NTM: variants seen among roughly 807,000 people sequenced by gnomAD.
The protein encoded by NTM is IgLON family member 2.
A neutral mutation model predicts 42.1 loss-of-function variants in NTM; 13 were observed. That is an observed-to-expected ratio of 0.31 (90% CI 0.20 to 0.49). The LOEUF (loss-of-function observed/expected upper bound fraction) is 0.49. Among genes scored for constraint, NTM ranks in the 20% least tolerant of loss-of-function variants. The probability of loss-of-function intolerance (pLI) is 0.99; values close to 1 mark genes in which losing one functional copy is unlikely to be tolerated. For missense variants in NTM, 373 were observed against 452.8 expected (o/e 0.82, Z 1.60); for synonymous variants, 187 against 179.2 (o/e 1.04, Z -0.35).
In NTM at chr11:131,670,784, G is replaced by GT. The variant is rs562124045; in HGVS notation, c.83-240780_83-240779insT. On this transcript the variant is annotated intron_variant, in intron 1 of 8. Coordinates refer to ENST00000683400, the MANE Select transcript of NTM (RefSeq NM_001352005.2). Reference sequence around the variant, plus strand: ...TGTCCGAGAGGCGTAGCCCTTCTTGGAGGCCTCAGATCTAGGCTAAAACCA... The same window carrying GT: ...TGTCCGAGAGGCGTAGCCCTTCTTGGTAGGCCTCAGATCTAGGCTAAAACCA... Among the ~76,000 whole-genome samples the GT allele has an allele frequency of 5.6e-3, 858 of 152,296 alleles. 9 individuals are homozygous for GT. The highest frequency in any genetic ancestry group is 0.02 in the African/African-American group (824 of 41,558).
At chr11:131,723,467 TA>T (rs2078605299) in intron 1 of NTM, among the ~76,000 whole-genome samples, 1 of 152,220 alleles carries the variant, frequency 6.6e-6, no homozygotes, top group Admixed American at 6.5e-5. Context: ...ACGTAGCAAA[TA>T]AAAACAGAAA....
At chr11:131,887,848 T>C (rs1286286092) in intron 1 of NTM, among the ~76,000 whole-genome samples, 1 of 152,214 alleles carries the variant, frequency 6.6e-6, no homozygotes, top group Non-Finnish European at 1.5e-5. Context: ...ATAGCACTGT[T>C]CTAGGCACTT....
At chr11:132,180,238 G>C (rs1177937079) in intron 3 of NTM, among the ~76,000 whole-genome samples, 1 of 152,060 alleles carries the variant, frequency 6.6e-6, no homozygotes, top group African/African-American at 2.4e-5. Context: ...TCTTCAGAGA[G>C]GATGAAATAA....
chr11:131,495,756 C>T (rs1043608465), intron 1 of NTM, among the ~76,000 whole-genome samples: 1 of 152,212 alleles, frequency 6.6e-6, no homozygotes, highest in Admixed American at 6.5e-5. Context: ...GGATTGGGCC[C>T]TCCTTGAGGC....
chr11:132,291,594 T>A (rs2094452193), intron 4 of NTM, among the ~76,000 whole-genome samples: 1 of 152,144 alleles, frequency 6.6e-6, no homozygotes, highest in South Asian at 2.1e-4. Flanking sequence ...AGCCACAGAA[T>A]AAATGATATT....
chr11:131,734,863 C>T (rs560104318), intron 1 of NTM, among the ~76,000 whole-genome samples: 2 of 152,128 alleles, frequency 1.3e-5, no homozygotes, highest in African/African-American at 4.8e-5. Flanking sequence ...AATTAAAATC[C>T]AGTAATAAGA....
At chr11:131,854,204 G>A (rs1239212848) in intron 1 of NTM, among the ~76,000 whole-genome samples, 1 of 152,332 alleles carries the variant, frequency 6.6e-6, no homozygotes, top group East Asian at 1.9e-4. Flanking sequence ...TCCTAGATAT[G>A]AAGAGGCTCT....
chr11:131,768,141 A>G (rs1373379348), intron 1 of NTM, among the ~76,000 whole-genome samples: 1 of 86,390 alleles, frequency 1.2e-5, no homozygotes, highest in Non-Finnish European at 2.2e-5. Flanking sequence ...TTTTTTTTTG[A>G]GACGGAGTCT....
intron 1 of NTM, chr11:131,910,201 G>C (rs1314771541): frequency 6.6e-6 from 1 of 152,088 alleles, no homozygotes; most frequent in East Asian, 1.9e-4. Context: ...AACATCCTCC[G>C]AACACTCTGA....
intron 1 of NTM, among the ~76,000 whole-genome samples, chr11:131,376,711 C>T (rs937443980): frequency 1.3e-5 from 2 of 149,062 alleles, no homozygotes; most frequent in Admixed American, 6.7e-5. Flanking sequence ...TTGCCCTTTG[C>T]GATAAGAAAA....
At chr11:131,517,212 G>T (rs2049003184) in intron 1 of NTM, among the ~76,000 whole-genome samples, 1 of 152,182 alleles carries the variant, frequency 6.6e-6, no homozygotes, top group Non-Finnish European at 1.5e-5. Flanking sequence ...CCAAATGGAT[G>T]CCTGATTGTG....
intron 2 of NTM, among the ~76,000 whole-genome samples, chr11:132,134,758 TA>T: frequency 8.0e-6 from 1 of 125,718 alleles, no homozygotes; most frequent in Non-Finnish European, 1.7e-5. Context: ...TATATATATA[TA>T]TCTCACATTT....
intron 1 of NTM, among the ~76,000 whole-genome samples, chr11:131,784,510 A>G (rs948264254): frequency 2.0e-5 from 3 of 152,238 alleles, no homozygotes; most frequent in African/African-American, 7.2e-5. Flanking sequence ...AAAAGAACAC[A>G]TATGATTGCA....
At chr11:131,607,868 T>C (rs1171959467) in intron 1 of NTM, among the ~76,000 whole-genome samples, 1 of 146,334 alleles carries the variant, frequency 6.8e-6, no homozygotes, top group Non-Finnish European at 1.5e-5. Flanking sequence ...GTTTGATCGG[T>C]AGACATTTTT....
intron 2 of NTM, among the ~76,000 whole-genome samples, chr11:131,936,011 T>TTATATATATATATATATATATATA (rs559967974): frequency 3.3e-5 from 5 of 151,824 alleles, no homozygotes; most frequent in African/African-American, 1.2e-4. Flanking sequence ...CATGGAAATT[T>TTATATATATATATATATATATATA]TATATATATA....
chr11:132,038,024 G>A lies in NTM; in HGVS notation c.168-108258G>A, dbSNP rs1440257513. On this transcript the variant is annotated intron_variant, in intron 2 of 8. Transcript: ENST00000683400. ...AGATCTGCAAACAAAATATTAGACC[G>A]TGCATGTGTGCACACACATGGGGCA... Among the ~76,000 whole-genome samples, 12 of 152,328 alleles carry A rather than the reference G, an allele frequency of 7.9e-5. No homozygotes were observed. The South Asian group carries it at 1.5e-3, about 18-fold the overall frequency.
At chr11:131,982,703 T>A (rs1259306048) in intron 2 of NTM, among the ~76,000 whole-genome samples, 2 of 152,220 alleles carry the variant, frequency 1.3e-5, no homozygotes. Flanking sequence ...ATTTAGGTTG[T>A]TTTATTCATT....
chr11:131,988,892 T>A (rs1048487993), intron 2 of NTM, among the ~76,000 whole-genome samples: 2 of 152,208 alleles, frequency 1.3e-5, no homozygotes, highest in African/African-American at 4.8e-5. Context: ...ATTTTAAGCC[T>A]ATAGTAGTGA....
Position 131,964,203 on chromosome 11 carries a change from G to A in NTM, c.167+52555G>A, listed in dbSNP as rs185794831. 8.0e-4 allele frequency among the ~76,000 whole-genome samples: 122 copies of A among 152,258 alleles called. 1 individual carries two copies. The highest frequency in any genetic ancestry group is 2.6e-3 in the African/African-American group (107 of 41,558). The stretch of plus-strand genomic sequence containing the variant: ...AGACAGTTCTCAGCAGGGAAACCGC[G>A]TGTGCAGAGGCCCAGGGGTTGGTTG... On this transcript the variant is annotated intron_variant, in intron 2 of 8. Coordinates refer to ENST00000683400, the MANE Select transcript of NTM (RefSeq NM_001352005.2).
Sources: gnomAD v4.1 joint callset for allele counts (sites outside exome capture counted in the v4.1 genomes callset) on GRCh38, gnomAD v4.1.1 for gene constraint, MANE v1.5 for transcripts, NCBI Gene and HGNC (gene_info 2026-07-23, HGNC 2026-07-21) for gene names.